Variants in NUDT5 observed in about 807,000 individuals in gnomAD.
The protein encoded by NUDT5 is nudix hydrolase 5.
In NUDT5, 21 loss-of-function variants were observed where a neutral mutation model predicts 34.1. That is an observed-to-expected ratio of 0.62 (90% CI 0.44 to 0.89). The LOEUF is 0.89. Among genes scored for constraint, NUDT5 ranks in the 40% least tolerant of loss-of-function variants. The probability of loss-of-function intolerance (pLI) is 0.00; values close to 1 mark genes in which losing one functional copy is unlikely to be tolerated. For missense variants in NUDT5, 249 were observed against 274.8 expected (o/e 0.91, Z 0.66); for synonymous variants, 85 against 97.6 (o/e 0.87, Z 0.76).
chr10:12,190,079 G>GA (rs1405552268), intron 1 of NUDT5, among the ~76,000 whole-genome samples: 1 of 152,120 alleles, frequency 6.6e-6, no homozygotes, highest in Non-Finnish European at 1.5e-5. Context: ...ATTTTTAGGA[G>GA]AGACGGGGTT....
Position 12,186,305 on chromosome 10 carries a change from T to C in NUDT5, c.-14A>G. 6.3e-7 allele frequency: 1 copy of C among 1,594,276 alleles called. No individual in the cohort carries two copies. The highest frequency in any genetic ancestry group is 8.6e-7 in the Non-Finnish European group (1 of 1,161,710). ...TTGGCTCTCCATTTTCAAACGAGTC[T>C]TTACAGCCCTCAGGTGAGAAGTTCA... is the stretch of plus-strand genomic sequence containing the variant. On this transcript the variant is annotated 5_prime_UTR_variant, in exon 2 of 10. Transcript: ENST00000491614.
In NUDT5 at chr10:12,186,286, C is replaced by T. The variant is rs1267320043; in HGVS notation, c.6G>A (p.Glu2=). 3.1e-6 allele frequency: 5 copies of T among 1,613,036 alleles called. No homozygotes were observed. Among genetic ancestry groups the T allele is most frequent in the Non-Finnish European group, 4.2e-6 (5 of 1,178,958 alleles). ...GAGAAGATTCCGTTGGTTCTTGGCT[C>T]TCCATTTTCAAACGAGTCTTTACAG... is the stretch of plus-strand genomic sequence containing the variant. M[E]SQEPTESSQN... Residue 2 remains glutamate (E), a synonymous_variant, in exon 2 of 10, where the codon GAG becomes GAA. Transcript: ENST00000491614.
At chr10:12,179,840 C>T (rs1216213702) in intron 3 of NUDT5, among the ~76,000 whole-genome samples, 1 of 152,168 alleles carries the variant, frequency 6.6e-6, no homozygotes, top group Non-Finnish European at 1.5e-5. Flanking sequence ...ACATGGGGCA[C>T]AGTTGTACAG....
At position 12,173,867 on chromosome 10, in the gene NUDT5, C is replaced by T. The variant is rs1395652568; in HGVS notation, c.290-54G>A. On this transcript the variant is annotated intron_variant, in intron 5 of 9. Coordinates refer to ENST00000491614, the MANE Select transcript of NUDT5 (RefSeq NM_014142.4). This position sits in a 1 kb window ranked among gnomAD's most constrained non-coding sequence, Gnocchi z 4.7. Reference sequence around the variant, plus strand: ...GAGCGGGAAATCCGGTTCTTTAAACCCTCCTTTTTTTTTTTTTGAGATGGA... The same window carrying T: ...GAGCGGGAAATCCGGTTCTTTAAACTCTCCTTTTTTTTTTTTTGAGATGGA... The T allele has an allele frequency of 5.5e-6, 7 of 1,263,108 alleles. No individual in the cohort carries two copies. Among genetic ancestry groups the T allele is most frequent in the Non-Finnish European group, 7.6e-6 (7 of 922,130 alleles). 78.2% of individuals were successfully genotyped at this position (1,263,108 alleles called of 1,614,324 possible).
Position 12,169,857 on chromosome 10 carries a change from C to G in NUDT5, c.550+860G>C, listed in dbSNP as rs1834813766. On this transcript the variant is annotated intron_variant, in intron 9 of 9. Transcript: ENST00000491614. This position sits in a 1 kb window ranked among gnomAD's most constrained non-coding sequence, Gnocchi z 4.8. ...ACTGGTCTTAAAGCTTCAGGCCAAA[C>G]AATGCTTCAAATCACATTTGAAGTA... is the stretch of plus-strand genomic sequence containing the variant. 2 of 369,738 alleles carry G rather than the reference C, an allele frequency of 5.4e-6. No homozygotes were observed. The highest frequency in any genetic ancestry group is 9.6e-6 in the Non-Finnish European group (2 of 207,450). 22.9% of individuals were successfully genotyped at this position (369,738 alleles called of 1,614,324 possible).
chr10:12,173,797 A>C lies in NUDT5; in HGVS notation c.306T>G (p.Gly102=), dbSNP rs1389558060. 1 of 1,613,210 alleles carries C rather than the reference A, an allele frequency of 6.2e-7. No homozygotes were observed. The highest frequency in any genetic ancestry group is 8.5e-7 in the Non-Finnish European group (1 of 1,179,594). ...GGAGAGCAGCTGCTTCTGGGGTTTCACCATCATCTATGAGACCTGCAAGTC... is the reference window on the plus strand; with the variant it reads ...GGAGAGCAGCTGCTTCTGGGGTTTCCCCATCATCTATGAGACCTGCAAGTC... ...IEFPAGLIDD[G]ETPEAAALRE... is the part of the protein sequence containing the mutation. Residue 102 remains glycine, a synonymous_variant, in exon 6 of 10, where the codon GGT becomes GGG. Coordinates refer to ENST00000491614, the MANE Select transcript of NUDT5 (RefSeq NM_014142.4). The surrounding 1 kb of genome is among the most constrained non-coding windows in gnomAD (Gnocchi z 4.7).
intron 1 of NUDT5, among the ~76,000 whole-genome samples, chr10:12,194,626 C>T (rs143039702): frequency 6.6e-6 from 1 of 152,222 alleles, no homozygotes; most frequent in Non-Finnish European, 1.5e-5. Context: ...AAACAAAACA[C>T]AACCCAAAAC....
intron 1 of NUDT5, among the ~76,000 whole-genome samples, chr10:12,192,751 T>C (rs1835254824): frequency 6.6e-6 from 1 of 151,992 alleles, no homozygotes; most frequent in Admixed American, 6.6e-5. Flanking sequence ...CTTGGGAGAC[T>C]GAGGCACGAG....
At position 12,170,093 on chromosome 10, in the gene NUDT5, G is replaced by GT. The variant is rs949574553; in HGVS notation, c.550+623dup. The GT allele has an allele frequency of 1.9e-6, 3 of 1,609,708 alleles. No homozygotes were observed. In the African/African-American group the frequency reaches 4.0e-5, roughly 22 times the overall value. On this transcript the variant is annotated intron_variant, in intron 9 of 9. Coordinates refer to ENST00000491614, the MANE Select transcript of NUDT5 (RefSeq NM_014142.4). The surrounding 1 kb of genome is among the most constrained non-coding windows in gnomAD (Gnocchi z 4.9). ...CAGTATCTCCTCATGTCTCCATACAGTATCTCCTCTCGTGGTTTTATCAAA... is the reference window on the plus strand; with the variant it reads ...CAGTATCTCCTCATGTCTCCATACAGTTATCTCCTCTCGTGGTTTTATCAAA...
chr10:12,177,236 A>G (rs1212898064), intron 5 of NUDT5, among the ~76,000 whole-genome samples: 2 of 151,930 alleles, frequency 1.3e-5, no homozygotes, highest in Non-Finnish European at 2.9e-5. Context: ...AAGGCTGGAG[A>G]CGGCAGGGTG....
At chr10:12,178,282 T>A (rs1834988464) in intron 4 of NUDT5, among the ~76,000 whole-genome samples, 1 of 152,180 alleles carries the variant, frequency 6.6e-6, no homozygotes, top group South Asian at 2.1e-4. Context: ...CTGGGTCAAC[T>A]TTGAGCAAGA....
intron 4 of NUDT5, 83 bp from the exon 5 acceptor site, chr10:12,177,983 A>G: frequency 1.1e-6 from 1 of 928,568 alleles, no homozygotes. Flanking sequence ...GCTAATGAAA[A>G]CCCCAGACTT....
chr10:12,169,236 A>ATT lies in NUDT5; in HGVS notation c.551-1427_551-1426dup. 1 of 1,516,554 alleles carries ATT rather than the reference A, an allele frequency of 6.6e-7. No individual in the cohort carries two copies. Among genetic ancestry groups the ATT allele is most frequent in the Non-Finnish European group, 9.0e-7 (1 of 1,117,034 alleles). 93.9% of individuals were successfully genotyped at this position (1,516,554 alleles called of 1,614,324 possible). A position where few individuals can be genotyped will look rare whatever the true frequency, so the allele number is the denominator to read the frequency against. On this transcript the variant is annotated intron_variant, in intron 9 of 9. Transcript: ENST00000491614. This position sits in a 1 kb window ranked among gnomAD's most constrained non-coding sequence, Gnocchi z 4.8. Reference sequence around the variant, plus strand: ...CTCTCCACCTCCCCTCACTTATTCTATTTTTTTCTCCCTTTTCTAAGACCA... The same window carrying ATT: ...CTCTCCACCTCCCCTCACTTATTCTATTTTTTTTTCTCCCTTTTCTAAGACCA...
chr10:12,179,268 AATAAACGTCTGC>A, intron 3 of NUDT5, 136 bp from the exon 4 acceptor site: 1 of 645,816 alleles, frequency 1.5e-6, no homozygotes, highest in Non-Finnish European at 2.7e-6. Flanking sequence ...AGACCACAGC[AATAAACGTCTGC>A]ATTAAAGAAG....
chr10:12,177,906 A>C lies in NUDT5; in HGVS notation c.182-6T>G. 6.2e-7 allele frequency: 1 copy of C among 1,610,736 alleles called. No homozygotes were observed. Among genetic ancestry groups the C allele is most frequent in the Non-Finnish European group, 8.5e-7 (1 of 1,176,988 alleles). ...CACGGGGATGACCGCGACACCTGTC[A>C]CCAGGAAATGGAACCAAGGAAATCC... On this transcript the variant is annotated splice_region_variant and splice_polypyrimidine_tract_variant and intron_variant, in intron 4 of 9. Transcript: ENST00000491614.
Position 12,177,460 on chromosome 10 carries a change from A to C in NUDT5, c.289+333T>G, listed in dbSNP as rs552018528. ...CTTGAACCCAGGAGGCGGAGGTTGCAGTGAGCCGAGATCGTGCCACTGCAC... is the reference window on the plus strand; with the variant it reads ...CTTGAACCCAGGAGGCGGAGGTTGCCGTGAGCCGAGATCGTGCCACTGCAC... On this transcript the variant is annotated intron_variant, in intron 5 of 9. Transcript: ENST00000491614. Among the ~76,000 whole-genome samples the C allele has an allele frequency of 5.9e-5, 9 of 152,256 alleles. No homozygotes were observed. The South Asian group carries it at 6.2e-4, about 11-fold the overall frequency.
chr10:12,194,627 A>C (rs1391170746), intron 1 of NUDT5, among the ~76,000 whole-genome samples: 2 of 152,238 alleles, frequency 1.3e-5, no homozygotes, highest in Non-Finnish European at 2.9e-5. Context: ...AACAAAACAC[A>C]ACCCAAAACA....
At chr10:12,190,719 C>T (rs1835209865) in intron 1 of NUDT5, among the ~76,000 whole-genome samples, 1 of 151,306 alleles carries the variant, frequency 6.6e-6, no homozygotes, top group South Asian at 2.1e-4. Flanking sequence ...AGCAATTCTC[C>T]TGCCTCAGCC....
chr10:12,169,925 A>T lies in NUDT5; in HGVS notation c.550+792T>A. 1.9e-6 allele frequency: 1 copy of T among 522,950 alleles called. No individual in the cohort carries two copies. The highest frequency in any genetic ancestry group is 3.4e-6 in the Non-Finnish European group (1 of 293,546). The allele number at this position is 522,950 out of a possible 1,614,324, so 32.4% of individuals were successfully genotyped here. ...GAAAAATCAGTTATCAATTACCTAAAACACTTATACCCAATAAAATATTCC... is the reference window on the plus strand; with the variant it reads ...GAAAAATCAGTTATCAATTACCTAATACACTTATACCCAATAAAATATTCC... On this transcript the variant is annotated intron_variant, in intron 9 of 9. Coordinates refer to ENST00000491614, the MANE Select transcript of NUDT5 (RefSeq NM_014142.4). This position sits in a 1 kb window ranked among gnomAD's most constrained non-coding sequence, Gnocchi z 4.8.
Sources: allele counts gnomAD v4.1 joint callset (sites outside exome capture counted in the v4.1 genomes callset), GRCh38; gene constraint gnomAD v4.1.1; non-coding constraint Gnocchi (gnomAD v3.1); transcripts MANE v1.5; gene names NCBI Gene and HGNC (gene_info 2026-07-23, HGNC 2026-07-21).